NKX6-1: variants seen among roughly 807,000 people sequenced by gnomAD.
NKX6-1 encodes the protein homeobox protein Nkx-6.1.
A neutral mutation model predicts 24.9 loss-of-function variants in NKX6-1; 11 were observed. That is an observed-to-expected ratio of 0.44 (90% CI 0.28 to 0.73). The LOEUF is 0.73. Among genes scored for constraint, NKX6-1 ranks in the 30% least tolerant of loss-of-function variants. The probability of loss-of-function intolerance (pLI) is 0.15; values close to 1 mark genes in which losing one functional copy is unlikely to be tolerated. For missense variants in NKX6-1, 487 were observed against 502.9 expected (o/e 0.97, Z 0.30); for synonymous variants, 277 against 242.9 (o/e 1.14, Z -1.31).
In NKX6-1 at chr4:84,498,236, C is replaced by G. The variant is rs1234417408; in HGVS notation, c.-8G>C. The G allele has an allele frequency of 1.5e-6, 2 of 1,294,472 alleles. No individual in the cohort carries two copies. The highest frequency in any genetic ancestry group is 3.0e-5 in the African/African-American group (2 of 66,284). 80.2% of individuals were successfully genotyped at this position (1,294,472 alleles called of 1,614,324 possible). ...TGCCCCCACCGCTAACATCCCACGGCCACGCCGGAGACCGTAGCCTTGCAG... is the reference window on the plus strand; with the variant it reads ...TGCCCCCACCGCTAACATCCCACGGGCACGCCGGAGACCGTAGCCTTGCAG... On this transcript the variant is annotated 5_prime_UTR_variant, in exon 1 of 3. Transcript: ENST00000295886.
At chr4:84,496,259 TC>T (rs1311976024) in intron 1 of NKX6-1, among the ~76,000 whole-genome samples, 1 of 151,762 alleles carries the variant, frequency 6.6e-6, no homozygotes, top group African/African-American at 2.4e-5. Flanking sequence ...TTTTTTTCCT[TC>T]AACGCTTCCC....
chr4:84,493,547 G>T lies in NKX6-1; in HGVS notation c.846C>A (p.Val282=). 3 of 1,614,078 alleles carry T rather than the reference G, an allele frequency of 1.9e-6. No homozygotes were observed. Among genetic ancestry groups the T allele is most frequent in the Non-Finnish European group, 2.5e-6 (3 of 1,179,972 alleles). ...ACTTGGTCCGGCGGTTCTGGAACCA[G>T]ACCTGAGGGCGGAGAAAAGGGAGGA... The part of the protein sequence containing the change: ...SLGMTESQVK[V]WFQNRRTKWR... The change falls in exon 3 of 3, where the codon GTC becomes GTA. Residue 282 remains valine (V), a splice_region_variant and synonymous_variant. Transcript: ENST00000295886. The surrounding 1 kb of genome is among the most constrained non-coding windows in gnomAD (Gnocchi z 5.1).
Position 84,495,668 on chromosome 4 carries a change from T to A in NKX6-1, c.843+4A>T. On this transcript the variant is annotated splice_donor_region_variant and intron_variant, in intron 2 of 2. Coordinates refer to ENST00000295886, the MANE Select transcript of NKX6-1 (RefSeq NM_006168.3). ...ATCCCTCCAGGTATGCAAGGTCCAC[T>A]CACCTTGACCTGACTCTCTGTCATC... 9 of 1,611,240 alleles carry A rather than the reference T, an allele frequency of 5.6e-6. No homozygotes were observed. Among genetic ancestry groups the A allele is most frequent in the Non-Finnish European group, 7.6e-6 (9 of 1,179,218 alleles).
At chr4:84,495,604 T>A in intron 2 of NKX6-1, 68 bp downstream of exon 2, 1 of 1,261,618 alleles carries the variant, frequency 7.9e-7, no homozygotes, top group Non-Finnish European at 1.1e-6. Context: ...TGTGTGTGTG[T>A]GCCCATGTGT....
intron 2 of NKX6-1, among the ~76,000 whole-genome samples, chr4:84,494,795 T>G (rs1032818684): frequency 5.3e-5 from 8 of 151,950 alleles, no homozygotes; most frequent in African/African-American, 1.9e-4. Context: ...GAAGCAACAA[T>G]AGAACTAATG....
rs377234787 is a variant in NKX6-1 at position 84,495,734 on chromosome 4, A to G, written c.781T>C (p.Leu261=). The G allele has an allele frequency of 9.9e-6, 16 of 1,613,542 alleles. No individual in the cohort carries two copies. The highest frequency in any genetic ancestry group is 1.8e-4 in the Middle Eastern group (1 of 5,616). The stretch of plus-strand genomic sequence containing the variant: ...AAACGAGCCCTCTCGGGCCCCGCCA[A>G]GTATTTTGTTTGTTCGAAAGTCTTC... ...LEKTFEQTKY[L]AGPERARLAY... is the part of the protein sequence containing the mutation. Residue 261 remains leucine, a synonymous_variant, in exon 2 of 3, where the codon TTG becomes CTG. Coordinates refer to ENST00000295886, the MANE Select transcript of NKX6-1 (RefSeq NM_006168.3).
chr4:84,497,879 G>A lies in NKX6-1; in HGVS notation c.350C>T (p.Ser117Phe). The change falls in exon 1 of 3, where the codon TCC becomes TTC. Residue 117 changes from serine to phenylalanine, a missense_variant. Around this residue, in one of 3 missense-constraint regions of NKX6-1, gnomAD observed 316 missense variants for 311.4 expected, o/e 1.01. Coordinates refer to ENST00000295886, the MANE Select transcript of NKX6-1 (RefSeq NM_006168.3). This position sits in a 1 kb window ranked among gnomAD's most constrained non-coding sequence, Gnocchi z 4.8. ...MPVASGAALP[S>F]ASPSGSSSSS... The stretch of plus-strand genomic sequence containing the variant: ...GGAGGAGGAACCGGAGGGCGAGGCG[G>A]AGGGCAGGGCGGCCCCCGAGGCCAC... 2 of 1,280,484 alleles carry A rather than the reference G, an allele frequency of 1.6e-6. No homozygotes were observed. The highest frequency in any genetic ancestry group is 2.0e-6 in the Non-Finnish European group (2 of 1,014,640). 79.3% of individuals were successfully genotyped at this position (1,280,484 alleles called of 1,614,324 possible).
At position 84,493,643 on chromosome 4, in the gene NKX6-1, C is replaced by G. The variant is rs1280073143; in HGVS notation, c.844-94G>C. On this transcript the variant is annotated intron_variant, in intron 2 of 2. Coordinates refer to ENST00000295886, the MANE Select transcript of NKX6-1 (RefSeq NM_006168.3). This position sits in a 1 kb window ranked among gnomAD's most constrained non-coding sequence, Gnocchi z 5.1. ...GCTACCACTCCCGCATCTCGATGGC[C>G]CTCCCGCGGCCCCCCGAAGGCCTGC... 1 of 1,479,468 alleles carries G rather than the reference C, an allele frequency of 6.8e-7. No homozygotes were observed. Among genetic ancestry groups the G allele is most frequent in the Non-Finnish European group, 9.2e-7 (1 of 1,091,784 alleles). The allele number at this position is 1,479,468 out of a possible 1,614,324, so 91.6% of individuals were successfully genotyped here. A position where few individuals can be genotyped will look rare whatever the true frequency, so the allele number is the denominator to read the frequency against.
rs1400082271 is a variant in NKX6-1 at position 84,498,667 on chromosome 4, G to A, written c.-439C>T. Among the ~76,000 whole-genome samples, 1 of 152,222 alleles carries A rather than the reference G, an allele frequency of 6.6e-6. No homozygotes were observed. Among genetic ancestry groups the A allele is most frequent in the African/African-American group, 2.4e-5 (1 of 41,474 alleles). On this transcript the variant is annotated 5_prime_UTR_variant, in exon 1 of 3. Coordinates refer to ENST00000295886, the MANE Select transcript of NKX6-1 (RefSeq NM_006168.3). ...CGAATCTCCACTTTGAAGTTGGAGG[G>A]TGGGGGTGGCTTGCTTTCTTTGGGG...
Position 84,498,210 on chromosome 4 carries a change from T to C in NKX6-1, c.19A>G (p.Met7Val), listed in dbSNP as rs1720870773. 1 of 1,296,886 alleles carries C rather than the reference T, an allele frequency of 7.7e-7. No individual in the cohort carries two copies. Among genetic ancestry groups the C allele is most frequent in the Non-Finnish European group, 9.8e-7 (1 of 1,022,222 alleles). The allele number at this position is 1,296,886 out of a possible 1,614,324, so 80.3% of individuals were successfully genotyped here. Reference protein sequence around the residue: MLAVGAMEGTRQSAFLL... With the variant: MLAVGAVEGTRQSAFLL... ...AATGCGCTCTGCCGGGTGCCCTCCA[T>C]TGCCCCCACCGCTAACATCCCACGG... Residue 7 changes from methionine (M) to valine (V), a missense_variant, in exon 1 of 3, where the codon ATG becomes GTG. Coordinates refer to ENST00000295886, the MANE Select transcript of NKX6-1 (RefSeq NM_006168.3).
Position 84,497,422 on chromosome 4 carries a change from G to T in NKX6-1, c.670+137C>A, listed in dbSNP as rs1453035584. ...TGGAAGCCCTGGCCCAACCTAACTG[G>T]TGTGATTCCGGCGCTGTCAAACTAC... On this transcript the variant is annotated intron_variant, in intron 1 of 2. Transcript: ENST00000295886. The surrounding 1 kb of genome is among the most constrained non-coding windows in gnomAD (Gnocchi z 4.8). The T allele has an allele frequency of 2.5e-6, 3 of 1,178,864 alleles. No individual in the cohort carries two copies. Among genetic ancestry groups the T allele is most frequent in the Non-Finnish European group, 3.2e-6 (3 of 931,438 alleles). 73.0% of individuals were successfully genotyped at this position (1,178,864 alleles called of 1,614,324 possible). A position where few individuals can be genotyped will look rare whatever the true frequency, so the allele number is the denominator to read the frequency against.
Position 84,494,614 on chromosome 4 carries a change from C to A in NKX6-1, c.843+1058G>T, listed in dbSNP as rs918793362. Among the ~76,000 whole-genome samples the A allele has an allele frequency of 2.0e-5, 3 of 152,240 alleles. No individual in the cohort carries two copies. In the East Asian group the frequency reaches 5.8e-4, roughly 29 times the overall value. On this transcript the variant is annotated intron_variant, in intron 2 of 2. Coordinates refer to ENST00000295886, the MANE Select transcript of NKX6-1 (RefSeq NM_006168.3). The stretch of plus-strand genomic sequence containing the variant: ...ATTTACGGTGAAAAATGAAGACCTC[C>A]AGATTATCGCAGTAGGCTCTGTACC...
At position 84,497,947 on chromosome 4, in the gene NKX6-1, G is replaced by A; in HGVS notation, c.282C>T (p.Thr94=). Residue 94 remains threonine, a synonymous_variant, in exon 1 of 3, where the codon ACC becomes ACT. Coordinates refer to ENST00000295886, the MANE Select transcript of NKX6-1 (RefSeq NM_006168.3). This position sits in a 1 kb window ranked among gnomAD's most constrained non-coding sequence, Gnocchi z 4.8. ...TCAGGATATCGTTGATGCCGTGTGGGGTGGCGGCCGAGAGCTGCTGCGGGG... is the reference window on the plus strand; with the variant it reads ...TCAGGATATCGTTGATGCCGTGTGGAGTGGCGGCCGAGAGCTGCTGCGGGG... ...GSPPQQLSAA[T]PHGINDILSR... The A allele has an allele frequency of 7.7e-7, 1 of 1,300,658 alleles. No individual in the cohort carries two copies. The highest frequency in any genetic ancestry group is 9.8e-7 in the Non-Finnish European group (1 of 1,020,838). The allele number at this position is 1,300,658 out of a possible 1,614,324, so 80.6% of individuals were successfully genotyped here.
rs576927610 is a variant in NKX6-1, at chr4:84,492,338, T to A, written c.*951A>T. The A allele has an allele frequency of 3.3e-5, 5 of 152,292 alleles. No homozygotes were observed. The highest frequency in any genetic ancestry group is 1.2e-4 in the African/African-American group (5 of 41,548). The allele number at this position is 152,292 out of a possible 1,614,324, so 9.4% of individuals were successfully genotyped here. ...TTGTAGCCCCTCCCTCCCCAATATTTTCTTTAAATCACTAATAAATAGCAA... is the reference window on the plus strand; with the variant it reads ...TTGTAGCCCCTCCCTCCCCAATATTATCTTTAAATCACTAATAAATAGCAA... On this transcript the variant is annotated 3_prime_UTR_variant, in exon 3 of 3. Transcript: ENST00000295886.
At chr4:84,496,200 G>A (rs1720816131) in intron 1 of NKX6-1, among the ~76,000 whole-genome samples, 1 of 152,058 alleles carries the variant, frequency 6.6e-6, no homozygotes, top group Admixed American at 6.5e-5. Context: ...TAATCCAGTC[G>A]GTGCTCGTTC....
intron 2 of NKX6-1, among the ~76,000 whole-genome samples, chr4:84,494,013 A>G (rs1720774860): frequency 1.3e-5 from 2 of 152,126 alleles, no homozygotes; most frequent in Non-Finnish European, 2.9e-5. Flanking sequence ...GCTTTTCGGT[A>G]TAGATTGTGG....
chr4:84,493,447 C>A lies in NKX6-1; in HGVS notation c.946G>T (p.Ala316Ser). 6.2e-7 allele frequency: 1 copy of A among 1,614,274 alleles called. No homozygotes were observed. The highest frequency in any genetic ancestry group is 1.1e-5 in the South Asian group (1 of 91,090). The change falls in exon 3 of 3, where the codon GCC (alanine) becomes TCC (serine). Residue 316 changes from alanine to serine, a missense_variant. Around this residue, in one of 3 missense-constraint regions of NKX6-1, gnomAD observed 126 missense variants for 105.5 expected, o/e 1.19. Transcript: ENST00000295886. This position sits in a 1 kb window ranked among gnomAD's most constrained non-coding sequence, Gnocchi z 5.1. ...TCGTCCTCTTCCTCGTTCTCCGAGG[C>A]CCCCTTGAGGCGCTCTGTCTCCGAG... ...QDSETERLKG[A>S]SENEEEDDDY...
At chr4:84,495,553 G>T in intron 2 of NKX6-1, 119 bp downstream of exon 2, 2 of 913,750 alleles carry the variant, frequency 2.2e-6, no homozygotes, top group Non-Finnish European at 3.3e-6. Flanking sequence ...CCTTGGATTC[G>T]CACCTCCCAG....
intron 1 of NKX6-1, chr4:84,496,540 A>C (rs1320819426): frequency 1.3e-5 from 2 of 152,242 alleles, no homozygotes; most frequent in African/African-American, 4.8e-5. Flanking sequence ...GCTCAGCCGC[A>C]CTAAGGAGGT....
Sources: allele counts gnomAD v4.1 joint callset (sites outside exome capture counted in the v4.1 genomes callset), GRCh38; gene constraint gnomAD v4.1.1; regional missense constraint gnomAD v4.1.1; non-coding constraint Gnocchi (gnomAD v3.1); transcripts MANE v1.5; gene names NCBI Gene and HGNC (gene_info 2026-07-23, HGNC 2026-07-21).